The following RBFOX1 variants were observed in gnomAD, a reference collection of about 807,000 sequenced individuals.
The protein encoded by RBFOX1 is RNA binding protein fox-1 homolog 1.
A neutral mutation model predicts 57.7 loss-of-function variants in RBFOX1; 8 were observed. That is an observed-to-expected ratio of 0.14 (90% CI 0.08 to 0.25). RBFOX1 has a LOEUF of 0.25. Ranked by LOEUF, RBFOX1 falls within the 10% of genes least tolerant of loss-of-function variation. The pLI is 1.00. For synonymous variants in RBFOX1, 326 were observed against 222.4 expected (o/e 1.47, Z -4.15); for missense variants, 611 against 548.5 (o/e 1.11, Z -1.14).
chr16:6,929,815 C>A (rs576993956), intron 3 of RBFOX1, among the ~76,000 whole-genome samples: 1 of 152,214 alleles, frequency 6.6e-6, no homozygotes, highest in Non-Finnish European at 1.5e-5. Flanking sequence ...GTTGCTCATG[C>A]TGTTTTAATT....
intron 1 of RBFOX1, among the ~76,000 whole-genome samples, chr16:5,309,974 G>A (rs1206430927): frequency 6.6e-6 from 1 of 152,166 alleles, no homozygotes; most frequent in Non-Finnish European, 1.5e-5. Context: ...GTTCCTCTCT[G>A]TACACTGTGA....
At chr16:6,187,898 G>A (rs1250915392) in intron 1 of RBFOX1, among the ~76,000 whole-genome samples, 2 of 152,184 alleles carry the variant, frequency 1.3e-5, no homozygotes, top group Non-Finnish European at 2.9e-5. Flanking sequence ...AATGTTACCA[G>A]TGTTAACTGT....
intron 3 of RBFOX1, among the ~76,000 whole-genome samples, chr16:6,936,505 A>G (rs139158378): frequency 1.3e-5 from 2 of 152,268 alleles, no homozygotes; most frequent in East Asian, 1.9e-4. Context: ...ACTCCCGACT[A>G]TGTATCCAGA....
At chr16:6,544,800 C>G (rs963622627) in intron 2 of RBFOX1, among the ~76,000 whole-genome samples, 1 of 152,088 alleles carries the variant, frequency 6.6e-6, no homozygotes, top group Admixed American at 6.5e-5. Flanking sequence ...ATGCTGAGCA[C>G]GTAGATTAGT....
At chr16:6,135,056 T>C (rs1414362973) in intron 1 of RBFOX1, among the ~76,000 whole-genome samples, 2 of 152,054 alleles carry the variant, frequency 1.3e-5, no homozygotes, top group African/African-American at 2.4e-5. Flanking sequence ...CCAAGTGTTC[T>C]CGTTGTTCAA....
intron 1 of RBFOX1, among the ~76,000 whole-genome samples, chr16:5,465,409 G>T (rs533740393): frequency 1.3e-5 from 2 of 152,118 alleles, no homozygotes; most frequent in Non-Finnish European, 2.9e-5. Flanking sequence ...AGTCAATTAC[G>T]TTCAGAAGTC....
chr16:5,906,952 G>C (rs2058473764), intron 4 of RBFOX1, among the ~76,000 whole-genome samples: 1 of 151,846 alleles, frequency 6.6e-6, no homozygotes, highest in Admixed American at 6.6e-5. Context: ...GGTCAGGCTG[G>C]TCTTGAACTC....
At chr16:7,401,889 GA>G (rs2098250208) in intron 4 of RBFOX1, among the ~76,000 whole-genome samples, 1 of 152,158 alleles carries the variant, frequency 6.6e-6, no homozygotes, top group African/African-American at 2.4e-5. Flanking sequence ...TGGCTCTGGA[GA>G]AATTTTATAC....
intron 2 of RBFOX1, among the ~76,000 whole-genome samples, chr16:6,392,448 T>A (rs2092646472): frequency 6.6e-6 from 1 of 152,234 alleles, no homozygotes; most frequent in African/African-American, 2.4e-5. Context: ...TTCAAGATTA[T>A]GTATTTCTAT....
intron 3 of RBFOX1, among the ~76,000 whole-genome samples, chr16:6,758,249 C>G (rs1417187735): frequency 6.6e-6 from 1 of 151,994 alleles, no homozygotes; most frequent in South Asian, 2.1e-4. Flanking sequence ...CAGAATCAGT[C>G]CTCTGCTTGC....
intron 3 of RBFOX1, among the ~76,000 whole-genome samples, chr16:6,778,398 A>G (rs752781651): frequency 8.5e-5 from 13 of 152,134 alleles, no homozygotes; most frequent in Non-Finnish European, 1.5e-4. Context: ...TGTTTTCTCC[A>G]CATTCCTGAA....
At chr16:5,785,202 T>C (rs1056998598) in intron 3 of RBFOX1, among the ~76,000 whole-genome samples, 6 of 152,232 alleles carry the variant, frequency 3.9e-5, no homozygotes, top group African/African-American at 1.4e-4. Context: ...CTCTTTCCCC[T>C]GTTCTCTTCT....
At chr16:7,335,925 G>C (rs748536814) in intron 4 of RBFOX1, among the ~76,000 whole-genome samples, 2 of 152,206 alleles carry the variant, frequency 1.3e-5, no homozygotes, top group Non-Finnish European at 2.9e-5. Context: ...AGCTGAACCT[G>C]TCTGGACTGT....
At chr16:5,366,873 G>C (rs996025569) in intron 1 of RBFOX1, among the ~76,000 whole-genome samples, 1 of 152,314 alleles carries the variant, frequency 6.6e-6, no homozygotes, top group Non-Finnish European at 1.5e-5. Flanking sequence ...TTTAAAGATG[G>C]AGCTTCACCC....
chr16:6,813,819 G>C (rs1440970318), intron 3 of RBFOX1, among the ~76,000 whole-genome samples: 1 of 152,180 alleles, frequency 6.6e-6, no homozygotes, highest in African/African-American at 2.4e-5. Context: ...AGTGAAGGGA[G>C]GAGGCGCTGT....
intron 3 of RBFOX1, among the ~76,000 whole-genome samples, chr16:5,814,877 C>A (rs181491592): frequency 6.6e-6 from 1 of 151,748 alleles, no homozygotes; most frequent in African/African-American, 2.4e-5. Flanking sequence ...TGCAGTGAGC[C>A]GAGATTGCGC....
chr16:6,845,792 G>C (rs769261401), intron 3 of RBFOX1, among the ~76,000 whole-genome samples: 8 of 152,076 alleles, frequency 5.3e-5, no homozygotes, highest in African/African-American at 1.2e-4. Context: ...AACAAGTAAG[G>C]CTCTTTCATA....
At chr16:6,627,235 G>C (rs1308981184) in intron 2 of RBFOX1, among the ~76,000 whole-genome samples, 1 of 152,196 alleles carries the variant, frequency 6.6e-6, no homozygotes, top group Non-Finnish European at 1.5e-5. Flanking sequence ...AGGGGAATGA[G>C]ATGGGGCTTT....
At position 7,555,759 on chromosome 16, in the gene RBFOX1, G is replaced by C. The variant is rs1284109332; in HGVS notation, c.271-24018G>C. 2.0e-5 allele frequency among the ~76,000 whole-genome samples: 3 copies of C among 152,100 alleles called. No individual in the cohort carries two copies. In the East Asian group the frequency reaches 5.8e-4, roughly 29 times the overall value. On this transcript the variant is annotated intron_variant, in intron 5 of 15. Coordinates refer to ENST00000550418, the MANE Select transcript of RBFOX1 (RefSeq NM_018723.4). ...CTCTCCCTGTGGCCCACTCTTCTTT[G>C]TCAAATTGTGATTCAAATGTCACCT... is the stretch of plus-strand genomic sequence containing the variant.
Sources: gnomAD v4.1 joint callset for allele counts (sites outside exome capture counted in the v4.1 genomes callset) on GRCh38, gnomAD v4.1.1 for gene constraint, MANE v1.5 for transcripts, NCBI Gene and HGNC (gene_info 2026-07-23, HGNC 2026-07-21) for gene names.